Variants in SCAF1 observed in about 807,000 individuals in gnomAD.
SCAF1 encodes SR-related CTD associated factor 1, also known as splicing factor, arginine/serine-rich 19.
In SCAF1, 28 loss-of-function variants were observed where a neutral mutation model predicts 91.2. The observed-to-expected ratio is 0.31, with a 90% CI of 0.23 to 0.42. The LOEUF (loss-of-function observed/expected upper bound fraction) is 0.42. Ranked by LOEUF, SCAF1 falls within the 10% of genes least tolerant of loss-of-function variation. The pLI is 1.00. For missense variants in SCAF1, 1,893 were observed against 1,872.1 expected, an observed-to-expected ratio of 1.01 and a Z score of -0.21; for synonymous variants, 1,036 against 833.7, an observed-to-expected ratio of 1.24 and a Z score of -4.18.
Position 49,651,907 on chromosome 19 carries a change from C to T in SCAF1, c.1518C>T (p.Ala506=). ...CGCCCTCCCCGGCGCCCGCGCCCGC[C>T]CCGGCCGCCGCTGCTGGTCCGCCCA... ...QRSPSPAPAP[A]PAAAAGPPTR... is the part of the protein sequence containing the mutation. Residue 506 remains alanine, a synonymous_variant, in exon 7 of 11, where the codon GCC becomes GCT. Transcript: ENST00000360565. 8.7e-7 allele frequency: 1 copy of T among 1,155,684 alleles called. No homozygotes were observed. The highest frequency in any genetic ancestry group is 2.3e-5 in the South Asian group (1 of 44,406). The allele number at this position is 1,155,684 out of a possible 1,614,324, so 71.6% of individuals were successfully genotyped here. A position where few individuals can be genotyped will look rare whatever the true frequency, so the allele number is the denominator to read the frequency against.
Position 49,651,866 on chromosome 19 carries a change from C to T in SCAF1, c.1477C>T (p.Arg493Cys), listed in dbSNP as rs2081093707. The T allele has an allele frequency of 8.1e-7, 1 of 1,236,020 alleles. No individual in the cohort carries two copies. The allele number at this position is 1,236,020 out of a possible 1,614,324, so 76.6% of individuals were successfully genotyped here. A position where few individuals can be genotyped will look rare whatever the true frequency, so the allele number is the denominator to read the frequency against. The change falls in exon 7 of 11, where the codon CGC becomes TGC. Residue 493 changes from arginine (R) to cysteine (C), a missense_variant. This residue lies in a region of SCAF1 where 1,436 missense variants were observed against 1,306.8 expected (regional missense o/e 1.10). Transcript: ENST00000360565. ...RRKILTQRRE[R>C]YRQRSPSPAP... ...CAAGATCCTGACCCAACGGCGGGAG[C>T]GCTACCGCCAGCGCTCGCCCTCCCC...
At position 49,653,308 on chromosome 19, in the gene SCAF1, T is replaced by C. The variant is rs2081115105; in HGVS notation, c.2919T>C (p.Val973=). The C allele has an allele frequency of 1.4e-6, 2 of 1,463,172 alleles. No homozygotes were observed. The highest frequency in any genetic ancestry group is 1.4e-5 in the African/African-American group (1 of 69,978). The allele number at this position is 1,463,172 out of a possible 1,614,324, so 90.6% of individuals were successfully genotyped here. A position where few individuals can be genotyped will look rare whatever the true frequency, so the allele number is the denominator to read the frequency against. ...CCGGGGAGGAGCGGGCAGCCAAGGT[T>C]CCTAGCACCCCGCCCCCCAAGGCAG... ...SWSGEERAAK[V]PSTPPPKAAP... The change falls in exon 7 of 11, where the codon GTT becomes GTC. Residue 973 remains valine (V), a synonymous_variant. Transcript: ENST00000360565.
Position 49,651,119 on chromosome 19 carries a change from C to T in SCAF1, c.730C>T (p.Pro244Ser). ...TDEAYSPPPA[P>S]EQKYDPFEPT... is the part of the protein sequence containing the mutation. ...CGAGGCCTACTCTCCACCGCCTGCT[C>T]CGGAGCAAAAGTACGACCCTTTTGA... Residue 244 changes from proline (P) to serine (S), a missense_variant, in exon 7 of 11, where the codon CCG becomes TCG. Physicochemically the swap from Pro to Ser is moderately conservative, Grantham distance 74. Coordinates refer to ENST00000360565, the MANE Select transcript of SCAF1 (RefSeq NM_021228.3). The T allele has an allele frequency of 6.2e-7, 1 of 1,611,696 alleles. No homozygotes were observed. Among genetic ancestry groups the T allele is most frequent in the South Asian group, 1.1e-5 (1 of 90,866 alleles).
Position 49,644,871 on chromosome 19 carries a change from G to A in SCAF1, c.-6-150G>A, listed in dbSNP as rs890195678. 42 of 614,202 alleles carry A rather than the reference G, an allele frequency of 6.8e-5. No homozygotes were observed. In the Admixed American group the frequency reaches 8.5e-4, roughly 12 times the overall value. The allele number at this position is 614,202 out of a possible 1,614,324, so 38.0% of individuals were successfully genotyped here. A position where few individuals can be genotyped will look rare whatever the true frequency, so the allele number is the denominator to read the frequency against. Reference sequence around the variant, plus strand: ...GGGTCCAGCGCCCACCCAAGCACAGGGTGGAGTGGGAGGAGGTGGAGGAGA... The same window carrying A: ...GGGTCCAGCGCCCACCCAAGCACAGAGTGGAGTGGGAGGAGGTGGAGGAGA... On this transcript the variant is annotated intron_variant, in intron 1 of 10. Transcript: ENST00000360565.
At chr19:49,653,809 T>A in intron 7 of SCAF1, 104 bp downstream of exon 7, 1 of 1,139,222 alleles carries the variant, frequency 8.8e-7, no homozygotes, top group Non-Finnish European at 1.2e-6. Flanking sequence ...GGGAGAGGTT[T>A]ATAGGGACAT....
At position 49,653,465 on chromosome 19, in the gene SCAF1, G is replaced by C. The variant is rs949882637; in HGVS notation, c.3076G>C (p.Glu1026Gln). Residue 1026 changes from glutamate to glutamine, a missense_variant, in exon 7 of 11, where the codon GAG becomes CAG. Glu to Gln is a conservative substitution (Grantham distance 29). Coordinates refer to ENST00000360565, the MANE Select transcript of SCAF1 (RefSeq NM_021228.3). ...CCGAGGTGGGGCGGAGGAGGAGGAGGAGGAAGAAGAAGAGGAGGAGGAAGA... is the reference window on the plus strand; with the variant it reads ...CCGAGGTGGGGCGGAGGAGGAGGAGCAGGAAGAAGAAGAGGAGGAGGAAGA... ...GVRGGAEEEE[E>Q]EEEEEEEEEE... 6.4e-7 allele frequency: 1 copy of C among 1,551,080 alleles called. No individual in the cohort carries two copies. The highest frequency in any genetic ancestry group is 1.4e-5 in the African/African-American group (1 of 73,782).
Position 49,651,353 on chromosome 19 carries a change from C to A in SCAF1, c.964C>A (p.Pro322Thr), listed in dbSNP as rs765886411. The A allele has an allele frequency of 6.2e-7, 1 of 1,608,336 alleles. No individual in the cohort carries two copies. The highest frequency in any genetic ancestry group is 8.5e-7 in the Non-Finnish European group (1 of 1,179,818). Residue 322 changes from proline to threonine, a missense_variant, in exon 7 of 11, where the codon CCG becomes ACG. Pro to Thr is a conservative substitution (Grantham distance 38). This residue lies in a region of SCAF1 where 1,436 missense variants were observed against 1,306.8 expected (regional missense o/e 1.10). Transcript: ENST00000360565. The part of the protein sequence containing the change: ...QDFPGDESPR[P>T]DAQPTQPTPA... ...CTTCCCAGGTGACGAGAGCCCCCGCCCGGACGCGCAGCCCACACAGCCGAC... is the reference window on the plus strand; with the variant it reads ...CTTCCCAGGTGACGAGAGCCCCCGCACGGACGCGCAGCCCACACAGCCGAC...
At position 49,652,790 on chromosome 19, in the gene SCAF1, T is replaced by C; in HGVS notation, c.2401T>C (p.Ser801Pro). ...CAAGAAGGCCCGGCCCCCCAAGGAG[T>C]CGGCGCCTTCCTCAGGGCCCCCGCC... ...SSKKARPPKE[S>P]APSSGPPPKP... The change falls in exon 7 of 11, where the codon TCG (serine) becomes CCG (proline). Residue 801 changes from serine (S) to proline (P), a missense_variant. Physicochemically the swap from Ser to Pro is moderately conservative, Grantham distance 74. This residue lies in a region of SCAF1 where 1,436 missense variants were observed against 1,306.8 expected (regional missense o/e 1.10). Coordinates refer to ENST00000360565, the MANE Select transcript of SCAF1 (RefSeq NM_021228.3). 1.2e-6 allele frequency: 2 copies of C among 1,610,796 alleles called. No homozygotes were observed. Among genetic ancestry groups the C allele is most frequent in the East Asian group, 4.5e-5 (2 of 44,664 alleles).
Position 49,651,981 on chromosome 19 carries a change from A to C in SCAF1, c.1592A>C (p.Glu531Ala), listed in dbSNP as rs1025944227. Residue 531 changes from glutamate (E) to alanine (A), a missense_variant, in exon 7 of 11, where the codon GAG (glutamate) becomes GCG (alanine). Glu to Ala is a moderately radical substitution (Grantham distance 107). Around this residue, in one of 5 missense-constraint regions of SCAF1, gnomAD observed 1,436 missense variants for 1,306.8 expected, o/e 1.10. Transcript: ENST00000360565. ...RERKRSGEAK[E>A]AASSSSGTQP... Reference sequence around the variant, plus strand: ...CGCAAGCGCAGCGGCGAGGCCAAGGAGGCCGCCTCGTCCTCGTCGGGCACC... The same window carrying C: ...CGCAAGCGCAGCGGCGAGGCCAAGGCGGCCGCCTCGTCCTCGTCGGGCACC... The C allele has an allele frequency of 6.7e-6, 8 of 1,198,796 alleles. No individual in the cohort carries two copies. Among genetic ancestry groups the C allele is most frequent in the Non-Finnish European group, 8.4e-6 (8 of 956,420 alleles). The allele number at this position is 1,198,796 out of a possible 1,614,324, so 74.3% of individuals were successfully genotyped here. A position where few individuals can be genotyped will look rare whatever the true frequency, so the allele number is the denominator to read the frequency against.
chr19:49,655,396 T>C (rs2081132884), intron 9 of SCAF1, among the ~76,000 whole-genome samples: 1 of 152,180 alleles, frequency 6.6e-6, no homozygotes, highest in Non-Finnish European at 1.5e-5. Context: ...AGATGGAGTC[T>C]TGCTCTGTCA....
chr19:49,656,167 G>A (rs2081138106), intron 9 of SCAF1, among the ~76,000 whole-genome samples: 1 of 125,092 alleles, frequency 8.0e-6, no homozygotes, highest in Non-Finnish European at 1.6e-5. Flanking sequence ...GGACGGTGAG[G>A]ACCCCCTGGT....
At position 49,652,104 on chromosome 19, in the gene SCAF1, GCCGCTCCCGCTC is replaced by G. The variant is rs3833232; in HGVS notation, c.1735_1746del (p.Arg579_Ser582del). ...TCCCACGCCTCGTCGTCCGCCCGCC[GCCGCTCCCGCTC>G]CCGCTCCCGCTCCCGCTCCACCCGC... is the stretch of plus-strand genomic sequence containing the variant. On this transcript the variant is annotated inframe_deletion, in exon 7 of 11. Transcript: ENST00000360565. 6.4e-3 allele frequency: 7,218 copies of G among 1,131,924 alleles called. 67 individuals are homozygous for G. Among genetic ancestry groups the G allele is most frequent in the East Asian group, 0.054 (765 of 14,168 alleles). The allele number at this position is 1,131,924 out of a possible 1,614,324, so 70.1% of individuals were successfully genotyped here. A position where few individuals can be genotyped will look rare whatever the true frequency, so the allele number is the denominator to read the frequency against.
chr19:49,647,054 C>T (rs985359649), intron 6 of SCAF1, among the ~76,000 whole-genome samples: 8 of 152,348 alleles, frequency 5.3e-5, no homozygotes, highest in East Asian at 1.9e-4. Flanking sequence ...CAACTGGTTT[C>T]GGCACGCTAA....
At position 49,651,410 on chromosome 19, in the gene SCAF1, T is replaced by A. The variant is rs776965043; in HGVS notation, c.1021T>A (p.Ser341Thr). Residue 341 changes from serine to threonine, a missense_variant, in exon 7 of 11, where the codon TCC becomes ACC. Physicochemically the swap from Ser to Thr is moderately conservative, Grantham distance 58 (BLOSUM62 1). This residue lies in a region of SCAF1 where 1,436 missense variants were observed against 1,306.8 expected (regional missense o/e 1.10). Transcript: ENST00000360565. ...PAPGTPPQVDSTRADGAMRRR... is the reference protein window; with the variant it reads ...PAPGTPPQVDTTRADGAMRRR... The stretch of plus-strand genomic sequence containing the variant: ...CCCTGGAACGCCGCCCCAGGTGGAC[T>A]CCACCCGGGCTGATGGAGCCATGCG... 1.2e-6 allele frequency: 2 copies of A among 1,605,150 alleles called. No homozygotes were observed. The highest frequency in any genetic ancestry group is 1.7e-6 in the Non-Finnish European group (2 of 1,177,788).
At chr19:49,653,817 C>T (rs1044153407) in intron 7 of SCAF1, 112 bp downstream of exon 7, 3 of 1,073,252 alleles carry the variant, frequency 2.8e-6, no homozygotes, top group African/African-American at 1.6e-5. Flanking sequence ...TTTATAGGGA[C>T]ATAGACTGGG....
At position 49,646,984 on chromosome 19, in the gene SCAF1, G is replaced by C. The variant is rs563540606; in HGVS notation, c.478+154G>C. Among the ~76,000 whole-genome samples the C allele has an allele frequency of 7.2e-5, 11 of 152,362 alleles. No homozygotes were observed. The highest frequency in any genetic ancestry group is 2.4e-4 in the African/African-American group (10 of 41,584). Reference sequence around the variant, plus strand: ...GTGATTAAGGCTGTAGGCGCATACAGATGTACATAAAGTAAAAACTGATGT... The same window carrying C: ...GTGATTAAGGCTGTAGGCGCATACACATGTACATAAAGTAAAAACTGATGT... On this transcript the variant is annotated intron_variant, in intron 6 of 10. Coordinates refer to ENST00000360565, the MANE Select transcript of SCAF1 (RefSeq NM_021228.3). The surrounding 1 kb of genome is among the most constrained non-coding windows in gnomAD (Gnocchi z 5.6).
At position 49,651,607 on chromosome 19, in the gene SCAF1, G is replaced by A; in HGVS notation, c.1218G>A (p.Ala406=). The A allele has an allele frequency of 2.6e-6, 4 of 1,512,192 alleles. No individual in the cohort carries two copies. Among genetic ancestry groups the A allele is most frequent in the South Asian group, 1.2e-5 (1 of 80,478 alleles). The allele number at this position is 1,512,192 out of a possible 1,614,324, so 93.7% of individuals were successfully genotyped here. A position where few individuals can be genotyped will look rare whatever the true frequency, so the allele number is the denominator to read the frequency against. ...IVQPEEEPRL[A]LSLFRPGGRA... is the part of the protein sequence containing the mutation. Reference sequence around the variant, plus strand: ...AGCCGGAGGAGGAGCCCAGGCTGGCGCTGTCCCTCTTCCGCCCCGGCGGCC... The same window carrying A: ...AGCCGGAGGAGGAGCCCAGGCTGGCACTGTCCCTCTTCCGCCCCGGCGGCC... Residue 406 remains alanine (A), a synonymous_variant, in exon 7 of 11, where the codon GCG becomes GCA. Transcript: ENST00000360565.
At position 49,651,088 on chromosome 19, in the gene SCAF1, C is replaced by T; in HGVS notation, c.699C>T (p.Pro233=). The part of the protein sequence containing the change: ...PRFDIYDPFH[P]TDEAYSPPPA... ...TCGATATCTATGACCCCTTCCACCC[C>T]ACCGACGAGGCCTACTCTCCACCGC... The change falls in exon 7 of 11, where the codon CCC becomes CCT. Residue 233 remains proline (P), a synonymous_variant. Coordinates refer to ENST00000360565, the MANE Select transcript of SCAF1 (RefSeq NM_021228.3). 1 of 1,597,568 alleles carries T rather than the reference C, an allele frequency of 6.3e-7. No homozygotes were observed. The highest frequency in any genetic ancestry group is 8.5e-7 in the Non-Finnish European group (1 of 1,170,770).
rs1343649542 is a variant in SCAF1, at chr19:49,651,604, G to A, written c.1215G>A (p.Leu405=). Residue 405 remains leucine (L), a synonymous_variant, in exon 7 of 11, where the codon CTG becomes CTA. Coordinates refer to ENST00000360565, the MANE Select transcript of SCAF1 (RefSeq NM_021228.3). ...TCCAGCCGGAGGAGGAGCCCAGGCTGGCGCTGTCCCTCTTCCGCCCCGGCG... is the reference window on the plus strand; with the variant it reads ...TCCAGCCGGAGGAGGAGCCCAGGCTAGCGCTGTCCCTCTTCCGCCCCGGCG... The part of the protein sequence containing the change: ...EIVQPEEEPR[L]ALSLFRPGGR... The A allele has an allele frequency of 6.6e-7, 1 of 1,514,500 alleles. No individual in the cohort carries two copies. The highest frequency in any genetic ancestry group is 1.2e-5 in the South Asian group (1 of 80,874). The allele number at this position is 1,514,500 out of a possible 1,614,324, so 93.8% of individuals were successfully genotyped here. A position where few individuals can be genotyped will look rare whatever the true frequency, so the allele number is the denominator to read the frequency against.
Sources: allele counts gnomAD v4.1 joint callset (sites outside exome capture counted in the v4.1 genomes callset), GRCh38; gene constraint gnomAD v4.1.1; regional missense constraint gnomAD v4.1.1; non-coding constraint Gnocchi (gnomAD v3.1); transcripts MANE v1.5; gene names NCBI Gene and HGNC (gene_info 2026-07-23, HGNC 2026-07-21).